AFAP1L2: variants seen among roughly 807,000 people sequenced by gnomAD.
AFAP1L2 encodes actin filament associated protein 1 like 2.
Under a neutral mutation model 99.3 loss-of-function variants are expected in AFAP1L2, and 46 were observed. The observed-to-expected ratio is 0.46, with a 90% confidence interval of 0.37 to 0.59. AFAP1L2 has a LOEUF of 0.59. Ranked by LOEUF, AFAP1L2 falls within the 20% of genes least tolerant of loss-of-function variation. The pLI, the probability that AFAP1L2 is intolerant of heterozygous loss-of-function variation, is 0.00. For missense variants in AFAP1L2, 959 were observed against 1,034.9 expected, an observed-to-expected ratio of 0.93 and a Z score of 1.01; for synonymous variants, 397 against 419.1, an observed-to-expected ratio of 0.95 and a Z score of 0.64.
chr10:114,355,859 G>T (rs567247257), intron 1 of AFAP1L2, among the ~76,000 whole-genome samples: 6 of 152,238 alleles, frequency 3.9e-5, no homozygotes, highest in African/African-American at 1.4e-4. Context: ...TGTGGTTTCA[G>T]CTACCAGGGA....
intron 4 of AFAP1L2, chr10:114,325,871 G>A: frequency 7.0e-6 from 9 of 1,284,326 alleles, no homozygotes; most frequent in Non-Finnish European, 9.1e-6. Flanking sequence ...ACAGGGAAAG[G>A]GTCCTCTCGC....
intron 1 of AFAP1L2, among the ~76,000 whole-genome samples, chr10:114,360,542 T>C (rs558043763): frequency 0.086 from 12,584 of 146,984 alleles, 1,461 homozygotes; most frequent in African/African-American, 0.27. Context: ...GATAGATAGA[T>C]AGATAGATAG....
chr10:114,397,142 A>T (rs1025475505), intron 1 of AFAP1L2, among the ~76,000 whole-genome samples: 1 of 152,072 alleles, frequency 6.6e-6, no homozygotes, highest in African/African-American at 2.4e-5. Flanking sequence ...AAGCCCTTTT[A>T]ACTACACAGT....
intron 1 of AFAP1L2, among the ~76,000 whole-genome samples, chr10:114,342,240 G>A (rs1358900313): frequency 6.6e-6 from 1 of 152,170 alleles, no homozygotes; most frequent in African/African-American, 2.4e-5. Flanking sequence ...TCACCTGGTG[G>A]TCATCCAACA....
intron 1 of AFAP1L2, among the ~76,000 whole-genome samples, chr10:114,393,203 A>G (rs2057336872): frequency 6.6e-6 from 1 of 152,174 alleles, no homozygotes; most frequent in East Asian, 1.9e-4. Context: ...ATTGCTAGGC[A>G]AAGGGAGGTA....
intron 1 of AFAP1L2, among the ~76,000 whole-genome samples, chr10:114,400,047 T>C (rs1435040525): frequency 6.6e-6 from 1 of 152,212 alleles, no homozygotes; most frequent in Non-Finnish European, 1.5e-5. Flanking sequence ...CACTACTTTC[T>C]TCATTGCACC....
At chr10:114,321,961 T>C (rs2045421100) in intron 5 of AFAP1L2, among the ~76,000 whole-genome samples, 1 of 152,212 alleles carries the variant, frequency 6.6e-6, no homozygotes, top group Non-Finnish European at 1.5e-5. Flanking sequence ...GCTCCCATAA[T>C]TCTCACGTGT....
Position 114,302,439 on chromosome 10 carries a change from A to G in AFAP1L2, c.1330T>C (p.Ser444Pro), listed in dbSNP as rs1486924354. ...GGGTCTGTCTTGGAGCCTGACTCAGAGAGCAGGAGACCCAGCCAGTGGCCC... is the reference window on the plus strand; with the variant it reads ...GGGTCTGTCTTGGAGCCTGACTCAGGGAGCAGGAGACCCAGCCAGTGGCCC... ...EMGHWLGLLL[S>P]ESGSKTDPEE... The change falls in exon 12 of 19, where the codon TCT becomes CCT. Residue 444 changes from serine to proline, a missense_variant. Coordinates refer to ENST00000304129, the MANE Select transcript of AFAP1L2 (RefSeq NM_001001936.3). 1 of 1,614,144 alleles carries G rather than the reference A, an allele frequency of 6.2e-7. No individual in the cohort carries two copies. Among genetic ancestry groups the G allele is most frequent in the African/African-American group, 1.3e-5 (1 of 75,054 alleles).
Position 114,331,797 on chromosome 10 carries a change from G to A in AFAP1L2, c.315+6C>T, listed in dbSNP as rs919728392. ...GGGAAATCAGGGGTCCTGAACTGATGCTTACCATCTTGGGTGGCGGGAGGT... is the reference window on the plus strand; with the variant it reads ...GGGAAATCAGGGGTCCTGAACTGATACTTACCATCTTGGGTGGCGGGAGGT... On this transcript the variant is annotated splice_donor_region_variant and intron_variant, in intron 4 of 18. Coordinates refer to ENST00000304129, the MANE Select transcript of AFAP1L2 (RefSeq NM_001001936.3). 6.5e-6 allele frequency: 9 copies of A among 1,380,430 alleles called. No homozygotes were observed. Among genetic ancestry groups the A allele is most frequent in the East Asian group, 3.0e-5 (1 of 33,168 alleles). 85.5% of individuals were successfully genotyped at this position (1,380,430 alleles called of 1,614,324 possible).
chr10:114,388,172 G>A (rs2056737252), intron 1 of AFAP1L2, among the ~76,000 whole-genome samples: 1 of 152,148 alleles, frequency 6.6e-6, no homozygotes, highest in African/African-American at 2.4e-5. Flanking sequence ...CCACTCAGAT[G>A]GGTGGCGGGG....
intron 4 of AFAP1L2, among the ~76,000 whole-genome samples, chr10:114,324,820 G>C (rs1287773545): frequency 6.6e-6 from 1 of 152,182 alleles, no homozygotes. Flanking sequence ...GGACCCCTGT[G>C]CTTTGGGGGA....
chr10:114,301,407 C>G lies in AFAP1L2; in HGVS notation c.1489G>C (p.Asp497His). 2 of 1,614,252 alleles carry G rather than the reference C, an allele frequency of 1.2e-6. No homozygotes were observed. The highest frequency in any genetic ancestry group is 1.7e-6 in the Non-Finnish European group (2 of 1,180,046). The part of the protein sequence containing the change: ...NTYIDGLPSQ[D>H]RQEELYDDVD... The stretch of plus-strand genomic sequence containing the variant: ...TCGTCATACAGCTCCTCCTGGCGGT[C>G]CTGGCTAGGCAGGCCATCGATGTAA... Residue 497 changes from aspartate to histidine, a missense_variant, in exon 13 of 19, where the codon GAC (aspartate) becomes CAC (histidine). Coordinates refer to ENST00000304129, the MANE Select transcript of AFAP1L2 (RefSeq NM_001001936.3).
At chr10:114,355,083 T>A (rs2051120536) in intron 1 of AFAP1L2, among the ~76,000 whole-genome samples, 1 of 152,176 alleles carries the variant, frequency 6.6e-6, no homozygotes, top group African/African-American at 2.4e-5. Flanking sequence ...GTAATTATCC[T>A]GGATAAACCA....
chr10:114,303,310 GTTT>G (rs934452307), intron 11 of AFAP1L2, among the ~76,000 whole-genome samples: 1 of 151,590 alleles, frequency 6.6e-6, no homozygotes, highest in African/African-American at 2.4e-5. Context: ...CCTTTTCCCA[GTTT>G]TTTTTTATTT....
chr10:114,316,867 T>C (rs1250791083), intron 5 of AFAP1L2, among the ~76,000 whole-genome samples: 1 of 152,230 alleles, frequency 6.6e-6, no homozygotes, highest in Non-Finnish European at 1.5e-5. Context: ...ATAACCTTGA[T>C]GCTCTGCCCA....
Position 114,304,179 on chromosome 10 carries a change from G to A in AFAP1L2, c.1284+540C>T, listed in dbSNP as rs578036161. Among the ~76,000 whole-genome samples the A allele has an allele frequency of 3.9e-5, 6 of 152,332 alleles. No homozygotes were observed. In the South Asian group the frequency reaches 6.2e-4, roughly 16 times the overall value. ...CTCCACATCAAAGACTAAGTGAACG[G>A]ACATTCACGGGCAAGTGTGTGCTTC... is the stretch of plus-strand genomic sequence containing the variant. On this transcript the variant is annotated intron_variant, in intron 11 of 18. Coordinates refer to ENST00000304129, the MANE Select transcript of AFAP1L2 (RefSeq NM_001001936.3).
At chr10:114,338,052 T>C (rs1564913232) in intron 2 of AFAP1L2, among the ~76,000 whole-genome samples, 2 of 152,142 alleles carry the variant, frequency 1.3e-5, no homozygotes, top group Non-Finnish European at 2.9e-5. Flanking sequence ...AGAAAACACC[T>C]CTGATGAGAG....
At chr10:114,342,288 C>G (rs4751861) in intron 1 of AFAP1L2, among the ~76,000 whole-genome samples, 92,734 of 151,680 alleles carry the variant, frequency 0.61, 33,043 homozygotes, top group East Asian at 0.85. Context: ...GCCCTCTCCT[C>G]CCTGCTCATA....
chr10:114,381,047 T>A (rs1176564037), intron 1 of AFAP1L2, among the ~76,000 whole-genome samples: 1 of 152,180 alleles, frequency 6.6e-6, no homozygotes, highest in South Asian at 2.1e-4. Context: ...TGAAAGCATA[T>A]GTCCATTCAA....
Sources: allele counts gnomAD v4.1 joint callset (sites outside exome capture counted in the v4.1 genomes callset), GRCh38; gene constraint gnomAD v4.1.1; transcripts MANE v1.5; gene names NCBI Gene and HGNC (gene_info 2026-07-23, HGNC 2026-07-21).